BARX2: variants seen among roughly 807,000 people sequenced by gnomAD.
BARX2 encodes the protein BARX homeobox 2, also known as homeobox protein BarH-like 2.
Under a neutral mutation model 25.5 loss-of-function variants are expected in BARX2, and 11 were observed. That is an observed-to-expected ratio of 0.43 (90% CI 0.27 to 0.71). The LOEUF is 0.71. Ranked by LOEUF, BARX2 falls within the 30% of genes least tolerant of loss-of-function variation. The pLI, the probability that BARX2 is intolerant of heterozygous loss-of-function variation, is 0.19. For synonymous variants in BARX2, 137 were observed against 149.5 expected (o/e 0.92, Z 0.61); for missense variants, 360 against 359.9 (o/e 1.00, Z 0.00).
At chr11:129,397,588 T>A (rs537603052) in intron 1 of BARX2, among the ~76,000 whole-genome samples, 2 of 152,300 alleles carry the variant, frequency 1.3e-5, no homozygotes, top group South Asian at 4.1e-4. Flanking sequence ...TAGAGTTCGT[T>A]AAAAAAATAT....
chr11:129,417,658 G>A (rs1348215565), intron 1 of BARX2, among the ~76,000 whole-genome samples: 1 of 151,944 alleles, frequency 6.6e-6, no homozygotes, highest in Non-Finnish European at 1.5e-5. Flanking sequence ...ATCAGAGTCT[G>A]TGTTGGTTGT....
chr11:129,443,533 C>T (rs919366455), intron 3 of BARX2, among the ~76,000 whole-genome samples: 3 of 152,186 alleles, frequency 2.0e-5, no homozygotes, highest in African/African-American at 7.2e-5. Flanking sequence ...TCCCAGGATT[C>T]TGGTCCCAGA....
chr11:129,437,271 C>A, intron 2 of BARX2: 2 of 587,782 alleles, frequency 3.4e-6, no homozygotes, highest in Non-Finnish European at 5.2e-6. Context: ...AAACTTAACT[C>A]ACCACTTTAT....
intron 3 of BARX2, 67 bp from the exon 4 acceptor site, chr11:129,451,069 C>T: frequency 6.4e-7 from 1 of 1,562,260 alleles, no homozygotes; most frequent in East Asian, 2.3e-5. Context: ...TGAGGTTATA[C>T]TGGGAGTGGA....
In BARX2 at chr11:129,445,034, AAAAAT is replaced by A. The variant is rs374978825; in HGVS notation, c.573+2125_573+2129del. On this transcript the variant is annotated intron_variant, in intron 3 of 3. Coordinates refer to ENST00000281437, the MANE Select transcript of BARX2 (RefSeq NM_003658.5). ...AAAATAAAATAAATAAATAAATAATAAAAATAAAATAAAAAACCAAGAAATTGAAG... is the reference window on the plus strand; with the variant it reads ...AAAATAAAATAAATAAATAAATAATAAAAATAAAAAACCAAGAAATTGAAG... Among the ~76,000 whole-genome samples, 990 of 152,088 alleles carry A rather than the reference AAAAAT, an allele frequency of 6.5e-3. 12 individuals carry two copies. Among genetic ancestry groups the A allele is most frequent in the African/African-American group, 0.023 (943 of 41,546 alleles).
At chr11:129,414,687 A>T (rs1018586363) in intron 1 of BARX2, among the ~76,000 whole-genome samples, 1 of 152,210 alleles carries the variant, frequency 6.6e-6, no homozygotes, top group Admixed American at 6.5e-5. Flanking sequence ...AGTGAATCAG[A>T]GCCTGTTGAT....
At chr11:129,449,412 CAAG>C (rs35114680) in intron 3 of BARX2, among the ~76,000 whole-genome samples, 39,380 of 151,708 alleles carry the variant, frequency 0.26, 5,191 homozygotes, top group African/African-American at 0.29. Flanking sequence ...ATATAGAAGA[CAAG>C]AAGATTAGGC....
At chr11:129,450,744 T>A (rs1862388320) in intron 3 of BARX2, among the ~76,000 whole-genome samples, 1 of 152,252 alleles carries the variant, frequency 6.6e-6, no homozygotes, top group Non-Finnish European at 1.5e-5. Flanking sequence ...TCTTGAAAAG[T>A]GTGTAACAAT....
intron 1 of BARX2, among the ~76,000 whole-genome samples, chr11:129,380,741 C>T (rs901275184): frequency 1.3e-5 from 2 of 151,926 alleles, no homozygotes; most frequent in Non-Finnish European, 2.9e-5. Flanking sequence ...TGGAACTGAG[C>T]TCTTTTGGGA....
chr11:129,383,731 G>A (rs1861591497), intron 1 of BARX2, among the ~76,000 whole-genome samples: 1 of 152,182 alleles, frequency 6.6e-6, no homozygotes, highest in African/African-American at 2.4e-5. Context: ...GAGGATCTCA[G>A]CACCAAACTA....
intron 3 of BARX2, among the ~76,000 whole-genome samples, chr11:129,443,701 C>T (rs1041388806): frequency 6.6e-6 from 1 of 152,182 alleles, no homozygotes; most frequent in Non-Finnish European, 1.5e-5. Flanking sequence ...TACATCCCTA[C>T]GTTGTGAGGA....
chr11:129,386,832 C>A (rs963531326), intron 1 of BARX2, among the ~76,000 whole-genome samples: 42 of 152,192 alleles, frequency 2.8e-4, no homozygotes, highest in African/African-American at 1.0e-3. Flanking sequence ...ACAGTTTGTA[C>A]AATCAAGAGT....
chr11:129,382,795 G>C (rs73567399), intron 1 of BARX2, among the ~76,000 whole-genome samples: 1 of 152,148 alleles, frequency 6.6e-6, no homozygotes, highest in South Asian at 2.1e-4. Flanking sequence ...TTTTCCCCGA[G>C]AACTTGCTAA....
At chr11:129,439,007 C>T (rs1362323877) in intron 2 of BARX2, among the ~76,000 whole-genome samples, 1 of 152,118 alleles carries the variant, frequency 6.6e-6, no homozygotes, top group Non-Finnish European at 1.5e-5. Context: ...ACATCTCCAG[C>T]TTAAGGTGTG....
intron 1 of BARX2, among the ~76,000 whole-genome samples, chr11:129,414,083 A>T (rs1861918607): frequency 6.6e-6 from 1 of 150,878 alleles, no homozygotes; most frequent in South Asian, 2.1e-4. Context: ...AAAAAGAGAG[A>T]GCGGACAGTA....
chr11:129,429,918 C>T (rs1265105990), intron 1 of BARX2, among the ~76,000 whole-genome samples: 1 of 152,218 alleles, frequency 6.6e-6, no homozygotes, highest in Non-Finnish European at 1.5e-5. Context: ...AGCCTTCACT[C>T]TCCTGCAAGG....
Position 129,442,835 on chromosome 11 carries a change from G to A in BARX2, c.489G>A (p.Arg163=), listed in dbSNP as rs765120324. 1.9e-6 allele frequency: 3 copies of A among 1,613,070 alleles called. No homozygotes were observed. Among genetic ancestry groups the A allele is most frequent in the Non-Finnish European group, 2.5e-6 (3 of 1,179,204 alleles). The stretch of plus-strand genomic sequence containing the variant: ...TTCCTTTGTATCTTGTGCCTTCTAG[G>A]TTGGACTTGGCTCAGTCTCTGGGAC... ...QKQKYLSTPD[R]LDLAQSLGLT... The change falls in exon 3 of 4, where the codon AGG becomes AGA. Residue 163 remains arginine (R), a splice_region_variant and synonymous_variant. Coordinates refer to ENST00000281437, the MANE Select transcript of BARX2 (RefSeq NM_003658.5).
intron 1 of BARX2, among the ~76,000 whole-genome samples, chr11:129,431,676 A>G (rs1190649923): frequency 6.6e-6 from 1 of 152,218 alleles, no homozygotes; most frequent in Non-Finnish European, 1.5e-5. Context: ...TATTCCGGGT[A>G]AAAATCATTT....
At chr11:129,381,155 G>A (rs190740711) in intron 1 of BARX2, among the ~76,000 whole-genome samples, 10 of 152,250 alleles carry the variant, frequency 6.6e-5, no homozygotes, top group East Asian at 5.8e-4. Context: ...ATGAAAAAAC[G>A]ATTAGAAATT....
Sources: allele counts gnomAD v4.1 joint callset (sites outside exome capture counted in the v4.1 genomes callset), GRCh38; gene constraint gnomAD v4.1.1; transcripts MANE v1.5; gene names NCBI Gene and HGNC (gene_info 2026-07-23, HGNC 2026-07-21).